OR1B1: variants seen among roughly 807,000 people sequenced by gnomAD.
OR1B1 encodes olfactory receptor family 1 subfamily B member 1.
For synonymous variants in OR1B1, 168 were observed against 156.2 expected, an observed-to-expected ratio of 1.08 and a Z score of -0.57; for missense variants, 414 against 402.1, an observed-to-expected ratio of 1.03 and a Z score of -0.25.
the OR1B1 span, among the ~76,000 whole-genome samples, chr9:122,647,441 T>C: frequency 6.6e-6 from 1 of 151,280 alleles, no homozygotes; most frequent in African/African-American, 2.4e-5. Flanking sequence ...TGTGCATACA[T>C]CAAAAAAGAG....
upstream of OR1B1, among the ~76,000 whole-genome samples, chr9:122,633,791 ATGG>A (rs1429881607): frequency 3.3e-5 from 5 of 151,924 alleles, no homozygotes; most frequent in Non-Finnish European, 7.4e-5. Context: ...TTAGCCCGGC[ATGG>A]TGGGACATGC....
At chr9:122,644,245 T>A in the OR1B1 span, among the ~76,000 whole-genome samples, 42 of 151,710 alleles carry the variant, frequency 2.8e-4, no homozygotes, top group Non-Finnish European at 5.4e-4. Flanking sequence ...GAATGGTGAG[T>A]CTCAGGCCTA....
At chr9:122,636,535 G>C in the OR1B1 span, among the ~76,000 whole-genome samples, 1 of 152,174 alleles carries the variant, frequency 6.6e-6, no homozygotes, top group African/African-American at 2.4e-5. Context: ...AGAAATGCTT[G>C]AACCCAGAAG....
the OR1B1 span, among the ~76,000 whole-genome samples, chr9:122,648,658 A>C: frequency 6.6e-6 from 1 of 152,328 alleles, no homozygotes. Context: ...CAATTGCTAC[A>C]AAGAGAATAA....
upstream of OR1B1, among the ~76,000 whole-genome samples, chr9:122,633,800 C>T (rs2118814414): frequency 6.6e-6 from 1 of 151,916 alleles, no homozygotes; most frequent in South Asian, 2.1e-4. Context: ...CATGGTGGGA[C>T]ATGCCTGTGG....
the OR1B1 span, among the ~76,000 whole-genome samples, chr9:122,639,010 C>G: frequency 6.6e-6 from 1 of 152,152 alleles, no homozygotes; most frequent in African/African-American, 2.4e-5. Context: ...CGATTATAAC[C>G]TGCTTGCCTG....
At chr9:122,628,610 C>A in exon 1 of OR1B1, 1 of 1,613,428 alleles carries the variant, frequency 6.2e-7, no homozygotes. Context: ...TTCAAGCAGC[C>A]TGCAGAGTGC....
Position 122,628,883 on chromosome 9 carries a change from G to T in OR1B1, c.653C>A (p.Ala218Asp). ...TCGGACATAAGAGAGTACAATGAGG[G>T]CACAGGGGCCCAGCATAAGGAAGCC... The change falls in exon 1 of 1, where the codon GCC (alanine) becomes GAC (aspartate). Residue 218 changes from alanine (A) to aspartate (D), a missense_variant. Transcript: ENST00000623530. The T allele has an allele frequency of 1.2e-6, 2 of 1,614,104 alleles. 1 individual carries two copies. The highest frequency in any genetic ancestry group is 2.2e-5 in the South Asian group (2 of 91,078).
the OR1B1 span, among the ~76,000 whole-genome samples, chr9:122,651,264 G>T: frequency 6.6e-6 from 1 of 152,148 alleles, no homozygotes; most frequent in Non-Finnish European, 1.5e-5. Flanking sequence ...ATAGTGATCA[G>T]ATCAGGGTAA....
chr9:122,653,201 T>G, the OR1B1 span, among the ~76,000 whole-genome samples: 1 of 152,340 alleles, frequency 6.6e-6, no homozygotes, highest in East Asian at 1.9e-4. Context: ...TAATGTAATA[T>G]GTATTATGTA....
chr9:122,649,132 C>G, the OR1B1 span, among the ~76,000 whole-genome samples: 5 of 152,112 alleles, frequency 3.3e-5, no homozygotes, highest in African/African-American at 1.2e-4. Flanking sequence ...ACAAACCTGA[C>G]AAAAACAAGC....
the OR1B1 span, among the ~76,000 whole-genome samples, chr9:122,652,829 G>A: frequency 6.6e-6 from 1 of 152,126 alleles, no homozygotes; most frequent in African/African-American, 2.4e-5. Context: ...GGGATTGGAA[G>A]GATATAGGGG....
At chr9:122,651,826 C>G in the OR1B1 span, among the ~76,000 whole-genome samples, 1 of 152,152 alleles carries the variant, frequency 6.6e-6, no homozygotes, top group Non-Finnish European at 1.5e-5. Context: ...TTTGCTCTAT[C>G]ACACAGGCTA....
chr9:122,641,329 G>A, the OR1B1 span, among the ~76,000 whole-genome samples: 1 of 152,176 alleles, frequency 6.6e-6, no homozygotes, highest in Non-Finnish European at 1.5e-5. Flanking sequence ...TGTTAATTGA[G>A]TGTTTCTTCT....
At chr9:122,655,173 A>G in the OR1B1 span, among the ~76,000 whole-genome samples, 1 of 152,092 alleles carries the variant, frequency 6.6e-6, no homozygotes, top group Non-Finnish European at 1.5e-5. Context: ...CACTAAAACA[A>G]CTTTTTAATA....
chr9:122,634,019 A>T (rs1265215443), upstream of OR1B1, among the ~76,000 whole-genome samples: 1 of 151,572 alleles, frequency 6.6e-6, no homozygotes, highest in Non-Finnish European at 1.5e-5. Context: ...CCTGACCAAC[A>T]TGGAGAAACC....
the OR1B1 span, among the ~76,000 whole-genome samples, chr9:122,654,883 A>G: frequency 6.6e-6 from 1 of 152,246 alleles, no homozygotes; most frequent in Non-Finnish European, 1.5e-5. Context: ...ATAGCACAGA[A>G]TGGTGACTAT....
chr9:122,634,556 T>C (rs1343960396), upstream of OR1B1, among the ~76,000 whole-genome samples: 2 of 151,894 alleles, frequency 1.3e-5, no homozygotes, highest in Non-Finnish European at 2.9e-5. Flanking sequence ...GAACTGCCCC[T>C]TATAAAACCA....
At chr9:122,632,800 C>T (rs914659209), upstream of OR1B1, among the ~76,000 whole-genome samples, 1 of 152,040 alleles carries the variant, frequency 6.6e-6, no homozygotes, top group African/African-American at 2.4e-5. Context: ...TTTGTTTTCA[C>T]CCTGCTGATA....
Sources: allele counts gnomAD v4.1 joint callset (sites outside exome capture counted in the v4.1 genomes callset), GRCh38; gene constraint gnomAD v4.1.1; transcripts MANE v1.5; gene names NCBI Gene and HGNC (gene_info 2026-07-23, HGNC 2026-07-21).